ASTN2: variants seen among roughly 807,000 people sequenced by gnomAD.
The protein encoded by ASTN2 is astrotactin-2.
Under a neutral mutation model 139.8 loss-of-function variants are expected in ASTN2, and 54 were observed. That is an observed-to-expected ratio of 0.39 (90% CI 0.31 to 0.48). ASTN2 has a LOEUF of 0.48. Ranked by LOEUF, ASTN2 falls within the 20% of genes least tolerant of loss-of-function variation. The pLI, the probability that ASTN2 is intolerant of heterozygous loss-of-function variation, is 0.95. For missense variants in ASTN2, 1,565 were observed against 1,725.1 expected, an observed-to-expected ratio of 0.91 and a Z score of 1.64; for synonymous variants, 756 against 719.5, an observed-to-expected ratio of 1.05 and a Z score of -0.81.
Position 117,414,455 on chromosome 9 carries a change from G to A in ASTN2, c.442+42C>T. The A allele has an allele frequency of 1.2e-6, 2 of 1,601,362 alleles. No homozygotes were observed. The highest frequency in any genetic ancestry group is 2.3e-5 in the East Asian group (1 of 43,486). On this transcript the variant is annotated intron_variant, in intron 1 of 22. Transcript: ENST00000313400. The surrounding 1 kb of genome is among the most constrained non-coding windows in gnomAD (Gnocchi z 4.2). ...CCCGTCCGGCATGACGCAGGGGCTC[G>A]GGGTTCCTTGGGATCTAGCGCGTGC...
intron 5 of ASTN2, among the ~76,000 whole-genome samples, chr9:117,071,974 A>G (rs1331880849): frequency 6.6e-6 from 1 of 152,048 alleles, no homozygotes; most frequent in Non-Finnish European, 1.5e-5. Flanking sequence ...CCGTCTTCTG[A>G]GTCAGTCACG....
At chr9:117,019,917 A>G (rs940250858) in intron 6 of ASTN2, among the ~76,000 whole-genome samples, 1 of 152,088 alleles carries the variant, frequency 6.6e-6, no homozygotes, top group African/African-American at 2.4e-5. Context: ...TCCATGGTTC[A>G]TGAAGGAAGC....
chr9:116,601,919 T>C lies in ASTN2; in HGVS notation c.3355+16405A>G, dbSNP rs535263823. On this transcript the variant is annotated intron_variant, in intron 19 of 22. Transcript: ENST00000313400. Reference sequence around the variant, plus strand: ...CTAGATGTGGTAACCCAGAGAGAGATTAAATTGAGAAAAGATTATACAGGA... The same window carrying C: ...CTAGATGTGGTAACCCAGAGAGAGACTAAATTGAGAAAAGATTATACAGGA... Among the ~76,000 whole-genome samples, 420 of 144,962 alleles carry C rather than the reference T, an allele frequency of 2.9e-3. 2 individuals are homozygous for C. The highest frequency in any genetic ancestry group is 0.011 in the African/African-American group (367 of 34,730).
intron 10 of ASTN2, among the ~76,000 whole-genome samples, chr9:116,878,031 T>C (rs1040807251): frequency 2.0e-5 from 3 of 152,190 alleles, no homozygotes; most frequent in Non-Finnish European, 4.4e-5. Context: ...CCAGTCTGAA[T>C]GGCAGTTTTT....
chr9:116,630,262 C>T (rs904529926), intron 17 of ASTN2, among the ~76,000 whole-genome samples: 1 of 152,174 alleles, frequency 6.6e-6, no homozygotes, highest in Non-Finnish European at 1.5e-5. Context: ...CTCAGACCCA[C>T]GTTTCTCAAA....
At chr9:116,467,415 C>T (rs539706836) in intron 20 of ASTN2, among the ~76,000 whole-genome samples, 96 of 152,284 alleles carry the variant, frequency 6.3e-4, no homozygotes, top group African/African-American at 1.0e-3. Flanking sequence ...TACAGGCGCA[C>T]GCCACCACTT....
intron 10 of ASTN2, among the ~76,000 whole-genome samples, chr9:116,972,284 A>T (rs1836231893): frequency 6.6e-6 from 1 of 152,138 alleles, no homozygotes; most frequent in African/African-American, 2.4e-5. Context: ...TATTTGTTAG[A>T]TTCATCCAAG....
At chr9:116,719,202 A>C (rs1310288419) in intron 16 of ASTN2, among the ~76,000 whole-genome samples, 1 of 151,710 alleles carries the variant, frequency 6.6e-6, no homozygotes, top group Non-Finnish European at 1.5e-5. Flanking sequence ...AGGAAGAAAA[A>C]AGTGGGCAAA....
intron 17 of ASTN2, among the ~76,000 whole-genome samples, chr9:116,637,497 CAAAA>C (rs1315487517): frequency 6.6e-6 from 1 of 152,096 alleles, no homozygotes; most frequent in Non-Finnish European, 1.5e-5. Flanking sequence ...TTTTTTGAGA[CAAAA>C]GTAGTATTTA....
chr9:116,953,345 C>T (rs1384902077), intron 10 of ASTN2, among the ~76,000 whole-genome samples: 1 of 152,176 alleles, frequency 6.6e-6, no homozygotes, highest in African/African-American at 2.4e-5. Context: ...TTGCTTTTCC[C>T]ACTGCAAATT....
At position 116,941,689 on chromosome 9, in the gene ASTN2, A is replaced by G. The variant is rs139787672; in HGVS notation, c.1889+33519T>C. Among the ~76,000 whole-genome samples, 10 of 152,298 alleles carry G rather than the reference A, an allele frequency of 6.6e-5. No homozygotes were observed. In the East Asian group the frequency reaches 1.9e-3, roughly 29 times the overall value. Reference sequence around the variant, plus strand: ...TGGGCCAGTATAGTTGACATATAAAATTAACCATCACACTCTAGTACATTT... The same window carrying G: ...TGGGCCAGTATAGTTGACATATAAAGTTAACCATCACACTCTAGTACATTT... On this transcript the variant is annotated intron_variant, in intron 10 of 22. Coordinates refer to ENST00000313400, the MANE Select transcript of ASTN2 (RefSeq NM_001365068.1).
Position 116,609,328 on chromosome 9 carries a change from C to CTATA in ASTN2, c.3355+8992_3355+8995dup, listed in dbSNP as rs1554720155. ...TCTCTCTCTCTCTCTCTCTCTCTCT[C>CTATA]TATATATATATACACACACACACAT... On this transcript the variant is annotated intron_variant, in intron 19 of 22. Transcript: ENST00000313400. Among the ~76,000 whole-genome samples the CTATA allele has an allele frequency of 2.5e-3, 307 of 122,520 alleles. 7 individuals are homozygous for CTATA. The South Asian group carries it at 0.043, about 17-fold the overall frequency. 80.4% of individuals were successfully genotyped at this position (122,520 alleles called of 152,430 possible).
At chr9:116,616,500 G>A (rs1855862301) in intron 19 of ASTN2, among the ~76,000 whole-genome samples, 1 of 152,182 alleles carries the variant, frequency 6.6e-6, no homozygotes, top group Non-Finnish European at 1.5e-5. Flanking sequence ...TACAAAGCCT[G>A]GCTCTGTCAT....
rs1036906766 is a variant in ASTN2 at position 116,708,837 on chromosome 9, C to T, written c.2806+16934G>A. ...CAAATTTTACTTAAACCCGTTTATA[C>T]TATTACTTAAGCTCACTTATGAATT... is the stretch of plus-strand genomic sequence containing the variant. On this transcript the variant is annotated intron_variant, in intron 16 of 22. Transcript: ENST00000313400. Among the ~76,000 whole-genome samples, 5 of 152,164 alleles carry T rather than the reference C, an allele frequency of 3.3e-5. 1 individual carries two copies. The highest frequency in any genetic ancestry group is 9.7e-5 in the African/African-American group (4 of 41,404).
intron 13 of ASTN2, 64 bp downstream of exon 13, chr9:116,805,568 C>T: frequency 6.6e-7 from 1 of 1,514,648 alleles, no homozygotes. Flanking sequence ...CCATGGCTTC[C>T]TCCCTGTGCC....
At chr9:116,775,833 AAGGC>A (rs138579572) in intron 13 of ASTN2, among the ~76,000 whole-genome samples, 29,602 of 148,996 alleles carry the variant, frequency 0.2, 3,056 homozygotes, top group African/African-American at 0.24. Context: ...GAAAGGAAGG[AAGGC>A]AGGCAGGCAG....
At chr9:116,534,810 T>A (rs1318690097) in intron 19 of ASTN2, among the ~76,000 whole-genome samples, 1 of 152,214 alleles carries the variant, frequency 6.6e-6, no homozygotes, top group Non-Finnish European at 1.5e-5. Context: ...ATAAGTGCGA[T>A]GTGGTGCTGA....
chr9:117,341,861 A>G (rs910218162), intron 1 of ASTN2, among the ~76,000 whole-genome samples: 3 of 152,230 alleles, frequency 2.0e-5, no homozygotes, highest in African/African-American at 4.8e-5. Context: ...ACTGTGTGCC[A>G]TATACACTCA....
At chr9:116,552,694 T>C (rs757067966) in intron 19 of ASTN2, among the ~76,000 whole-genome samples, 30 of 152,198 alleles carry the variant, frequency 2.0e-4, no homozygotes, top group Non-Finnish European at 3.7e-4. Context: ...TAGATGACTC[T>C]GCTATGTGTT....
Sources: allele counts gnomAD v4.1 joint callset (sites outside exome capture counted in the v4.1 genomes callset), GRCh38; gene constraint gnomAD v4.1.1; non-coding constraint Gnocchi (gnomAD v3.1); transcripts MANE v1.5; gene names NCBI Gene and HGNC (gene_info 2026-07-23, HGNC 2026-07-21).